C3: variants seen among roughly 807,000 people sequenced by gnomAD.
C3 encodes complement C3, also known as C3 and PZP-like alpha-2-macroglobulin domain-containing protein 1.
In C3, 97 loss-of-function variants were observed where a neutral mutation model predicts 207.9. The observed-to-expected ratio is 0.47, with a 90% CI of 0.40 to 0.55. The LOEUF (loss-of-function observed/expected upper bound fraction) is 0.55, where lower values mean the gene tolerates loss of function less well. Ranked by LOEUF, C3 falls within the 20% of genes least tolerant of loss-of-function variation. The pLI is 0.00. For synonymous variants in C3, 848 were observed against 857.6 expected (o/e 0.99, Z 0.20); for missense variants, 1,684 against 2,171.7 (o/e 0.78, Z 4.46).
Position 6,677,709 on chromosome 19 carries a change from T to C in C3, c.*173A>G. On this transcript the variant is annotated 3_prime_UTR_variant, in exon 41 of 41. Coordinates refer to ENST00000245907, the MANE Select transcript of C3 (RefSeq NM_000064.4). The stretch of plus-strand genomic sequence containing the variant: ...TCCTTGGCTAAAGAAGTCAGCACAC[T>C]AGCAGGCGAACGCCAGGAGAAAATG... 1.3e-6 allele frequency: 1 copy of C among 790,216 alleles called. No individual in the cohort carries two copies. Among genetic ancestry groups the C allele is most frequent in the South Asian group, 1.7e-5 (1 of 59,072 alleles). 49.0% of individuals were successfully genotyped at this position (790,216 alleles called of 1,614,324 possible). A position where few individuals can be genotyped will look rare whatever the true frequency, so the allele number is the denominator to read the frequency against.
chr19:6,705,017 G>A (rs1967745527), intron 17 of C3, among the ~76,000 whole-genome samples: 1 of 152,142 alleles, frequency 6.6e-6, no homozygotes, highest in Admixed American at 6.6e-5. Flanking sequence ...GGGATCACAG[G>A]TGTGAGCCAC....
intron 17 of C3, among the ~76,000 whole-genome samples, chr19:6,705,744 A>C (rs1967760830): frequency 6.6e-6 from 1 of 151,088 alleles, no homozygotes; most frequent in African/African-American, 2.4e-5. Flanking sequence ...GCACAATCTC[A>C]GCTCACTGCA....
chr19:6,680,846 G>A (rs1483642772), intron 35 of C3, among the ~76,000 whole-genome samples: 2 of 152,068 alleles, frequency 1.3e-5, no homozygotes, highest in East Asian at 1.9e-4. Context: ...GAAGGGAGAG[G>A]AGAAAGCCCA....
Position 6,694,547 on chromosome 19 carries a change from T to A in C3, c.3038A>T (p.Gln1013Leu). Residue 1013 changes from glutamine to leucine, a missense_variant, in exon 24 of 41, where the codon CAG (glutamine) becomes CTG (leucine). Transcript: ENST00000245907. ...LIVTPSGCGE[Q>L]NMIGMTPTVI... ...CGTGGGCGTCATGCCGATCATGTTC[T>A]GTTCCCCGCAGCCCGAGGGGGTCAC... is the stretch of plus-strand genomic sequence containing the variant. 2 of 1,614,142 alleles carry A rather than the reference T, an allele frequency of 1.2e-6. No homozygotes were observed. Among genetic ancestry groups the A allele is most frequent in the Non-Finnish European group, 1.7e-6 (2 of 1,179,974 alleles).
intron 2 of C3, 53 bp from the exon 3 acceptor site, chr19:6,718,465 G>A: frequency 1.2e-6 from 2 of 1,603,284 alleles, no homozygotes; most frequent in Non-Finnish European, 1.7e-6. Flanking sequence ...CCATGCCCAC[G>A]GTCCAGCTTC....
At chr19:6,685,713 T>C (rs1917986913) in intron 29 of C3, among the ~76,000 whole-genome samples, 1 of 152,066 alleles carries the variant, frequency 6.6e-6, no homozygotes. Context: ...GGGAACATAC[T>C]ATAGAGCCCG....
intron 27 of C3, among the ~76,000 whole-genome samples, chr19:6,689,368 T>TCTCTCC (rs1918113296): frequency 9.2e-6 from 1 of 108,130 alleles, no homozygotes; most frequent in African/African-American, 3.7e-5. Flanking sequence ...TCCCTCTCTC[T>TCTCTCC]CTCTCTCTCT....
chr19:6,690,706 CGTT>C lies in C3; in HGVS notation c.3409_3411del (p.Asn1137del), dbSNP rs1265457425. On this transcript the variant is annotated inframe_deletion, in exon 27 of 41. Transcript: ENST00000245907. ...AAGGCCGTGAGGGCCATGTCTTTCT[CGTT>C]GTTGTTCCGTAATCCACCCTGAGAT... 4 of 1,614,074 alleles carry C rather than the reference CGTT, an allele frequency of 2.5e-6. No individual in the cohort carries two copies. The highest frequency in any genetic ancestry group is 2.2e-5 in the East Asian group (1 of 44,906).
rs1014475053 is a variant in C3, at chr19:6,681,971, A to G, written c.4320T>C (p.Asp1440=). 2 of 1,614,096 alleles carry G rather than the reference A, an allele frequency of 1.2e-6. No individual in the cohort carries two copies. The highest frequency in any genetic ancestry group is 1.7e-6 in the Non-Finnish European group (2 of 1,179,956). Residue 1440 remains aspartate, a synonymous_variant, in exon 35 of 41, where the codon GAT becomes GAC. Transcript: ENST00000245907. ...SKYELDKAFS[D]RNTLIIYLDK... is the part of the protein sequence containing the mutation. ...CCAGGTAGATGATGAGGGTGTTCCT[A>G]TCGGAGAAGGCTTTGTCCAGCTCAT... is the stretch of plus-strand genomic sequence containing the variant.
chr19:6,694,926 T>A (rs1213750809), intron 23 of C3, among the ~76,000 whole-genome samples: 1 of 152,154 alleles, frequency 6.6e-6, no homozygotes, highest in Non-Finnish European at 1.5e-5. Flanking sequence ...ATATCACGCT[T>A]AATGTTACTT....
intron 14 of C3, among the ~76,000 whole-genome samples, chr19:6,708,671 T>TC (rs1408269465): frequency 6.8e-6 from 1 of 147,160 alleles, no homozygotes; most frequent in African/African-American, 2.5e-5. Flanking sequence ...TCTTTTTTTT[T>TC]CCTCCTTTCT....
chr19:6,702,945 A>C (rs1967705237), intron 17 of C3: 1 of 319,402 alleles, frequency 3.1e-6, no homozygotes, highest in Admixed American at 4.2e-5. Flanking sequence ...GAGGCAGCAG[A>C]ATCACTTGAA....
At chr19:6,718,916 G>A (rs1968103581) in intron 2 of C3, among the ~76,000 whole-genome samples, 2 of 145,602 alleles carry the variant, frequency 1.4e-5, no homozygotes, top group Non-Finnish European at 3.0e-5. Flanking sequence ...AGAAGGGGAG[G>A]AGTCTCAGAA....
intron 12 of C3, 51 bp downstream of exon 12, chr19:6,710,936 C>T (rs749448735): frequency 7.5e-6 from 12 of 1,603,186 alleles, no homozygotes; most frequent in African/African-American, 2.7e-5. Context: ...CCCAGGGGTG[C>T]GGAAGAAACA....
chr19:6,709,197 C>T (rs11569426), intron 14 of C3, among the ~76,000 whole-genome samples: 8,770 of 152,186 alleles, frequency 0.058, 773 homozygotes, highest in African/African-American at 0.19. Flanking sequence ...GCCTGTAATC[C>T]CAACACTTTG....
chr19:6,686,651 C>A, intron 28 of C3, 95 bp downstream of exon 28: 1 of 1,342,540 alleles, frequency 7.4e-7, no homozygotes. Context: ...GGTCATCTGT[C>A]CCAGCTCAGC....
chr19:6,713,656 C>T, intron 7 of C3, 147 bp from the exon 8 acceptor site: 1 of 639,526 alleles, frequency 1.6e-6, no homozygotes, highest in Non-Finnish European at 2.8e-6. Context: ...CACCTGGCCC[C>T]ACCCCCAGCC....
chr19:6,692,710 C>G (rs747958406), intron 26 of C3, among the ~76,000 whole-genome samples: 9 of 152,032 alleles, frequency 5.9e-5, no homozygotes, highest in Non-Finnish European at 8.8e-5. Flanking sequence ...GGGGCCGTGT[C>G]TCTTCATTTT....
chr19:6,677,993 C>T lies in C3; in HGVS notation c.4881G>A (p.Trp1627Ter), dbSNP rs775140871. Residue 1627 changes from tryptophan (W) to a stop codon, truncating the protein, a stop_gained, in exon 41 of 41, where the codon TGG (tryptophan) becomes TGA (stop). Transcript: ENST00000245907. LOFTEE classifies it high-confidence loss of function. ...CGTCCTCCTCGGGCCAGTGCTCCAC[C>T]CAAGTGTCCTTCCCGATGATGTAGC... ...NLSYIIGKDT[W>*]VEHWPEEDEC... is the part of the protein sequence containing the mutation. The T allele has an allele frequency of 1.2e-6, 2 of 1,614,088 alleles. No homozygotes were observed. Among genetic ancestry groups the T allele is most frequent in the South Asian group, 1.1e-5 (1 of 91,070 alleles).
Sources: allele counts gnomAD v4.1 joint callset (sites outside exome capture counted in the v4.1 genomes callset), GRCh38; gene constraint gnomAD v4.1.1; transcripts MANE v1.5; gene names NCBI Gene and HGNC (gene_info 2026-07-23, HGNC 2026-07-21).